Variants in CAMKMT observed in about 807,000 individuals in gnomAD.
CAMKMT encodes the protein CaM KMT.
Under a neutral mutation model 48.0 loss-of-function variants are expected in CAMKMT, and 53 were observed. That is an observed-to-expected ratio of 1.10 (90% confidence interval 0.89 to 1.39). The LOEUF is 1.39. CAMKMT is among the 40% of genes most tolerant of loss of function. The pLI, the probability that CAMKMT is intolerant of heterozygous loss-of-function variation, is 0.00. For missense variants in CAMKMT, 428 were observed against 402.7 expected, an observed-to-expected ratio of 1.06 and a Z score of -0.54; for synonymous variants, 165 against 152.3, an observed-to-expected ratio of 1.08 and a Z score of -0.61.
intron 3 of CAMKMT, among the ~76,000 whole-genome samples, chr2:44,703,771 T>TAAAA (rs547342457): frequency 7.1e-5 from 6 of 84,050 alleles, no homozygotes; most frequent in Admixed American, 1.4e-4. Context: ...AGCAAGACTC[T>TAAAA]AAAAAAAAAA....
chr2:44,619,983 T>G (rs1254142189), intron 3 of CAMKMT, among the ~76,000 whole-genome samples: 2 of 152,210 alleles, frequency 1.3e-5, no homozygotes, highest in Non-Finnish European at 2.9e-5. Flanking sequence ...TCTTGCCCGC[T>G]GAAAATCCCA....
chr2:44,612,164 C>A (rs1471647064), intron 3 of CAMKMT, among the ~76,000 whole-genome samples: 1 of 148,940 alleles, frequency 6.7e-6, no homozygotes, highest in Admixed American at 6.9e-5. Context: ...TGTTTTAAAC[C>A]TAACAGGAAG....
rs6544765 is a variant in CAMKMT, at chr2:44,640,083, A to G, written c.377-64200A>G. On this transcript the variant is annotated intron_variant, in intron 3 of 10. Transcript: ENST00000378494. Reference sequence around the variant, plus strand: ...TGGAACACTTATCCTTGCACTTAATATCTGGTTTCTGAATATTCACATTAA... The same window carrying G: ...TGGAACACTTATCCTTGCACTTAATGTCTGGTTTCTGAATATTCACATTAA... 4.3e-3 allele frequency among the ~76,000 whole-genome samples: 654 copies of G among 152,272 alleles called. 7 individuals carry two copies. Among genetic ancestry groups the G allele is most frequent in the African/African-American group, 0.015 (629 of 41,562 alleles).
intron 7 of CAMKMT, among the ~76,000 whole-genome samples, chr2:44,729,939 A>T (rs1425885296): frequency 6.6e-6 from 1 of 152,178 alleles, no homozygotes; most frequent in African/African-American, 2.4e-5. Flanking sequence ...TCAACAGACT[A>T]TCTAAGAATT....
chr2:44,571,700 G>A (rs565938483), intron 3 of CAMKMT, among the ~76,000 whole-genome samples: 4 of 152,160 alleles, frequency 2.6e-5, no homozygotes, highest in Non-Finnish European at 4.4e-5. Flanking sequence ...CAAGCCGGGT[G>A]AGGTGGCCTA....
intron 3 of CAMKMT, among the ~76,000 whole-genome samples, chr2:44,690,185 A>C (rs1299077138): frequency 6.6e-6 from 1 of 152,228 alleles, no homozygotes; most frequent in African/African-American, 2.4e-5. Context: ...TAACCAATCT[A>C]ATTTCTTTAA....
chr2:44,683,837 A>AAAG (rs1553437590), intron 3 of CAMKMT, among the ~76,000 whole-genome samples: 4 of 149,240 alleles, frequency 2.7e-5, no homozygotes, highest in Non-Finnish European at 3.0e-5. Context: ...AAAAAAAAAA[A>AAAG]AAAAAAGAAA....
intron 3 of CAMKMT, among the ~76,000 whole-genome samples, chr2:44,578,063 T>A (rs1016246996): frequency 6.6e-6 from 1 of 152,208 alleles, no homozygotes; most frequent in African/African-American, 2.4e-5. Flanking sequence ...TGTATGCTTT[T>A]CTCTTGTAAA....
chr2:44,509,510 C>T (rs1670431337), intron 3 of CAMKMT, among the ~76,000 whole-genome samples: 1 of 151,958 alleles, frequency 6.6e-6, no homozygotes, highest in South Asian at 2.1e-4. Context: ...GGGGTTTCAC[C>T]ATGTTGCCCA....
At chr2:44,521,948 C>T (rs566940429) in intron 3 of CAMKMT, among the ~76,000 whole-genome samples, 13 of 151,736 alleles carry the variant, frequency 8.6e-5, no homozygotes, top group African/African-American at 2.4e-4. Flanking sequence ...GTGTACAGTT[C>T]GGTAGTATTA....
intron 9 of CAMKMT, among the ~76,000 whole-genome samples, chr2:44,758,698 CTGATGAT>C (rs1680483744): frequency 6.6e-6 from 1 of 152,170 alleles, no homozygotes; most frequent in African/African-American, 2.4e-5. Context: ...CTTGTTGTTG[CTGATGAT>C]TGATAGGGTG....
At chr2:44,624,695 T>A (rs1465672969) in intron 3 of CAMKMT, among the ~76,000 whole-genome samples, 1 of 152,210 alleles carries the variant, frequency 6.6e-6, no homozygotes, top group Non-Finnish European at 1.5e-5. Flanking sequence ...ATGGTGTATA[T>A]GTGCCACATT....
At chr2:44,569,220 A>G (rs2103728770) in intron 3 of CAMKMT, among the ~76,000 whole-genome samples, 1 of 152,296 alleles carries the variant, frequency 6.6e-6, no homozygotes, top group East Asian at 1.9e-4. Context: ...ACTTCTTCAA[A>G]ATAAATGTTT....
chr2:44,617,085 A>C (rs988759447), intron 3 of CAMKMT, among the ~76,000 whole-genome samples: 5 of 152,210 alleles, frequency 3.3e-5, no homozygotes, highest in African/African-American at 1.2e-4. Context: ...AGTGCCTTAC[A>C]AAATAAACAT....
At chr2:44,568,327 T>C (rs551060449) in intron 3 of CAMKMT, among the ~76,000 whole-genome samples, 2 of 152,340 alleles carry the variant, frequency 1.3e-5, no homozygotes, top group East Asian at 1.9e-4. Flanking sequence ...TTTGCCTTAG[T>C]CTATTACAAG....
chr2:44,635,652 G>T (rs1673087713), intron 3 of CAMKMT, among the ~76,000 whole-genome samples: 1 of 152,142 alleles, frequency 6.6e-6, no homozygotes, highest in Non-Finnish European at 1.5e-5. Context: ...TTCTGAATAT[G>T]ACTTTTATTT....
chr2:44,547,819 C>G (rs1667487648), intron 3 of CAMKMT, among the ~76,000 whole-genome samples: 1 of 152,164 alleles, frequency 6.6e-6, no homozygotes, highest in African/African-American at 2.4e-5. Context: ...TTCCTTATCT[C>G]TAACGGCCTA....
At chr2:44,686,562 G>A (rs1573076778) in intron 3 of CAMKMT, among the ~76,000 whole-genome samples, 1 of 152,136 alleles carries the variant, frequency 6.6e-6, no homozygotes, top group African/African-American at 2.4e-5. Flanking sequence ...CAACTTTTCT[G>A]TAAACCTAAA....
chr2:44,632,565 C>T (rs1228885084), intron 3 of CAMKMT, among the ~76,000 whole-genome samples: 1 of 152,092 alleles, frequency 6.6e-6, no homozygotes, highest in Admixed American at 6.5e-5. Flanking sequence ...TCCTACATAT[C>T]TAACAAAAAT....
Sources: gnomAD v4.1 joint callset for allele counts (sites outside exome capture counted in the v4.1 genomes callset) on GRCh38, gnomAD v4.1.1 for gene constraint, MANE v1.5 for transcripts, NCBI Gene and HGNC (gene_info 2026-07-23, HGNC 2026-07-21) for gene names.